TTC39A: variants seen among roughly 807,000 people sequenced by gnomAD.
TTC39A encodes the protein tetratricopeptide repeat domain 39A, also known as tetratricopeptide repeat protein 39A.
Under a neutral mutation model 82.3 loss-of-function variants are expected in TTC39A, and 46 were observed. That is an observed-to-expected ratio of 0.56 (90% CI 0.44 to 0.71). The LOEUF (loss-of-function observed/expected upper bound fraction) is 0.71. Ranked by LOEUF, TTC39A falls within the 30% of genes least tolerant of loss-of-function variation. The pLI is 0.00. For missense variants in TTC39A, 543 were observed against 712.9 expected, an observed-to-expected ratio of 0.76 and a Z score of 2.71; for synonymous variants, 254 against 275.2, an observed-to-expected ratio of 0.92 and a Z score of 0.76.
chr1:51,293,929 A>G (rs1224463293), intron 14 of TTC39A, among the ~76,000 whole-genome samples: 1 of 152,240 alleles, frequency 6.6e-6, no homozygotes, highest in Non-Finnish European at 1.5e-5. Context: ...AAATCAGGCA[A>G]TAGGCAATGG....
chr1:51,330,912 C>T (rs1339682252), upstream of TTC39A: 13 of 609,216 alleles, frequency 2.1e-5, no homozygotes, highest in Non-Finnish European at 3.8e-5. This position sits in a 1 kb window ranked among gnomAD's most constrained non-coding sequence, Gnocchi z 4.5. Flanking sequence ...CGTCACCATC[C>T]TCCCGCATTA....
At chr1:51,342,857 C>A in intron 1 of TTC39A, 1 of 352,138 alleles carries the variant, frequency 2.8e-6, no homozygotes, top group South Asian at 2.1e-5. Context: ...CTCAGCCTGT[C>A]CATTCACTGC....
intron 16 of TTC39A, 56 bp downstream of exon 16, chr1:51,289,949 T>G: frequency 6.7e-7 from 1 of 1,488,504 alleles, no homozygotes; most frequent in Admixed American, 2.0e-5. Context: ...GGAGAAGCCC[T>G]GAATATTCTA....
At chr1:51,309,585 T>C (rs1371997507) in intron 5 of TTC39A, among the ~76,000 whole-genome samples, 1 of 152,174 alleles carries the variant, frequency 6.6e-6, no homozygotes, top group Non-Finnish European at 1.5e-5. Flanking sequence ...TGATTAACAG[T>C]ATCTCCCTCT....
intron 13 of TTC39A, chr1:51,295,550 G>A (rs572467056): frequency 6.2e-6 from 1 of 160,926 alleles, no homozygotes; most frequent in African/African-American, 2.4e-5. Context: ...CTATGCGCCA[G>A]GCTCTTAACA....
rs757122086 is a variant in TTC39A, at chr1:51,305,136, A to C, written c.599T>G (p.Met200Arg). The C allele has an allele frequency of 6.2e-7, 1 of 1,613,402 alleles. No homozygotes were observed. The highest frequency in any genetic ancestry group is 8.5e-7 in the Non-Finnish European group (1 of 1,179,482). ...CAGCCTCAGGATCCTAGTAGGAAGCATGGACAGTGTCTGCAAGAAAGGAGG... is the reference window on the plus strand; with the variant it reads ...CAGCCTCAGGATCCTAGTAGGAAGCCTGGACAGTGTCTGCAAGAAAGGAGG... Reference protein sequence around the residue: ...GVGAFNLTLSMLPTRILRLLE... With the variant: ...GVGAFNLTLSRLPTRILRLLE... Residue 200 changes from methionine (M) to arginine (R), a missense_variant, in exon 8 of 18, where the codon ATG becomes AGG. Transcript: ENST00000680483.
chr1:51,323,829 T>A (rs981345716), intron 1 of TTC39A, among the ~76,000 whole-genome samples: 2 of 152,226 alleles, frequency 1.3e-5, no homozygotes, highest in African/African-American at 4.8e-5. Flanking sequence ...ATTTCTATTC[T>A]ATATCTCATA....
chr1:51,330,833 A>C, upstream of TTC39A: 1 of 472,896 alleles, frequency 2.1e-6, no homozygotes, highest in Non-Finnish European at 3.8e-6. The surrounding 1 kb of genome is among the most constrained non-coding windows in gnomAD (Gnocchi z 4.5). Context: ...CTTCTCCGGG[A>C]CCTGAGGTCC....
intron 6 of TTC39A, 62 bp from the exon 7 acceptor site, chr1:51,306,138 C>A (rs952106748): frequency 1.4e-6 from 2 of 1,407,688 alleles, no homozygotes; most frequent in African/African-American, 1.4e-5. Flanking sequence ...GGGGCTGGGA[C>A]CCCTTCCAGC....
chr1:51,302,486 G>C lies in TTC39A; in HGVS notation c.831+20C>G. 1 of 1,608,238 alleles carries C rather than the reference G, an allele frequency of 6.2e-7. No homozygotes were observed. The highest frequency in any genetic ancestry group is 1.1e-5 in the South Asian group (1 of 89,790). The stretch of plus-strand genomic sequence containing the variant: ...TGGGTGTTTGTGGGCTGGGGGTACC[G>C]GGCAGCACATGGGGCTCACCTTAGG... On this transcript the variant is annotated intron_variant, in intron 10 of 17. Transcript: ENST00000680483.
intron 15 of TTC39A, among the ~76,000 whole-genome samples, 188 bp downstream of exon 15, chr1:51,290,326 C>G (rs1489961077): frequency 6.6e-6 from 1 of 152,208 alleles, no homozygotes; most frequent in Non-Finnish European, 1.5e-5. Flanking sequence ...AGCCCCAAGG[C>G]TGCGGGAGCC....
intron 1 of TTC39A, among the ~76,000 whole-genome samples, chr1:51,343,393 G>A (rs1646060835): frequency 6.6e-6 from 1 of 152,120 alleles, no homozygotes; most frequent in Admixed American, 6.5e-5. Context: ...CTAAATTCCT[G>A]GTCCTGTTTG....
chr1:51,312,312 A>G, intron 3 of TTC39A, 117 bp from the exon 4 acceptor site: 1 of 1,052,676 alleles, frequency 9.5e-7, no homozygotes, highest in Non-Finnish European at 1.4e-6. Flanking sequence ...AAGAAAGAAC[A>G]CAGGCTTAGA....
In TTC39A at chr1:51,330,285, G is replaced by C; in HGVS notation, c.41+152C>G. 2.1e-6 allele frequency: 2 copies of C among 946,148 alleles called. No individual in the cohort carries two copies. The highest frequency in any genetic ancestry group is 2.5e-6 in the Non-Finnish European group (2 of 794,560). The allele number at this position is 946,148 out of a possible 1,614,324, so 58.6% of individuals were successfully genotyped here. ...CCCTGCCCCCACTCCTGGCAGCGGC[G>C]GCGGCTGCCAGGGGCCGGGCGGGGT... is the stretch of plus-strand genomic sequence containing the variant. On this transcript the variant is annotated intron_variant, in intron 1 of 17. Transcript: ENST00000680483. The surrounding 1 kb of genome is among the most constrained non-coding windows in gnomAD (Gnocchi z 4.5).
upstream of TTC39A, chr1:51,331,660 A>G (rs1317109710): frequency 2.0e-6 from 2 of 985,330 alleles, no homozygotes; most frequent in African/African-American, 1.7e-5. Context: ...CTGGAAAGGC[A>G]GTGAAGTCCC....
chr1:51,330,757 A>C, upstream of TTC39A: 1 of 493,958 alleles, frequency 2.0e-6, no homozygotes, highest in Non-Finnish European at 2.9e-6. The surrounding 1 kb of genome is among the most constrained non-coding windows in gnomAD (Gnocchi z 4.5). Context: ...CCCTCTGCGC[A>C]GACACCGCCC....
intron 15 of TTC39A, 61 bp downstream of exon 15, chr1:51,290,453 G>C (rs1644165014): frequency 1.4e-6 from 2 of 1,467,630 alleles, no homozygotes; most frequent in South Asian, 2.5e-5. Flanking sequence ...TTGGCAGAGG[G>C]AAGCTTCAGC....
intron 13 of TTC39A, 194 bp downstream of exon 13, chr1:51,295,885 C>T: frequency 1.6e-6 from 1 of 620,678 alleles, no homozygotes; most frequent in Non-Finnish European, 2.9e-6. Flanking sequence ...AGGGCTCCAA[C>T]CACCAGCAGC....
Position 51,302,678 on chromosome 1 carries a change from T to C in TTC39A, c.764-105A>G, listed in dbSNP as rs1373577129. On this transcript the variant is annotated intron_variant, in intron 9 of 17. Coordinates refer to ENST00000680483, the MANE Select transcript of TTC39A (RefSeq NM_001297663.2). The stretch of plus-strand genomic sequence containing the variant: ...TTCCCAGGGTCTCCCCCTCCCCCTC[T>C]GTGAAATCGAGATAATTCTCCCTGT... 3 of 1,238,200 alleles carry C rather than the reference T, an allele frequency of 2.4e-6. No homozygotes were observed. The East Asian group carries it at 7.6e-5, about 31-fold the overall frequency. 76.7% of individuals were successfully genotyped at this position (1,238,200 alleles called of 1,614,324 possible).
Sources: allele counts gnomAD v4.1 joint callset (sites outside exome capture counted in the v4.1 genomes callset), GRCh38; gene constraint gnomAD v4.1.1; non-coding constraint Gnocchi (gnomAD v3.1); transcripts MANE v1.5; gene names NCBI Gene and HGNC (gene_info 2026-07-23, HGNC 2026-07-21).